NIPA2: variants seen among roughly 807,000 people sequenced by gnomAD.
The protein encoded by NIPA2 is magnesium transporter NIPA2.
In NIPA2, 11 loss-of-function variants were observed where a neutral mutation model predicts 29.7. The ratio of observed to expected loss-of-function variants is 0.37; its 90% CI spans 0.23 to 0.61. NIPA2 has a LOEUF of 0.61. NIPA2 is among the 20% of genes least tolerant of loss of function. The pLI, the probability that NIPA2 is intolerant of heterozygous loss-of-function variation, is 0.66. For missense variants in NIPA2, 426 were observed against 437.9 expected, an observed-to-expected ratio of 0.97 and a Z score of 0.24; for synonymous variants, 183 against 161.9, an observed-to-expected ratio of 1.13 and a Z score of -0.99.
chr15:22,842,542 A>G (rs1258513897), intron 2 of NIPA2, among the ~76,000 whole-genome samples: 1 of 151,450 alleles, frequency 6.6e-6, no homozygotes, highest in Admixed American at 6.6e-5. Context: ...AAAACCCAAA[A>G]TATTGGCCGG....
intron 5 of NIPA2, among the ~76,000 whole-genome samples, chr15:22,855,630 C>T (rs74796137): frequency 0.023 from 3,431 of 151,834 alleles, 129 homozygotes; most frequent in African/African-American, 0.077. Flanking sequence ...TGTGCCTGTG[C>T]GTGATGATAA....
At chr15:22,844,599 A>G (rs1319802213) in intron 2 of NIPA2, among the ~76,000 whole-genome samples, 3 of 152,046 alleles carry the variant, frequency 2.0e-5, no homozygotes, top group African/African-American at 7.2e-5. Context: ...CAAGCAGAAC[A>G]AAAAAATTAG....
chr15:22,851,752 A>G lies in NIPA2; in HGVS notation c.21A>G (p.Lys7=). MSQGRG[K]YDFYIGLGLA... ...ACGAAATGAGCCAGGGGCGTGGAAA[A>G]TATGACTTCTATATTGGTCTGGGAT... The change falls in exon 4 of 8, where the codon AAA becomes AAG. Residue 7 remains lysine (K), a synonymous_variant. Transcript: ENST00000337451. 2.5e-6 allele frequency: 4 copies of G among 1,611,784 alleles called. No individual in the cohort carries two copies. Among genetic ancestry groups the G allele is most frequent in the Non-Finnish European group, 3.4e-6 (4 of 1,179,302 alleles).
chr15:22,851,481 T>C (rs539872498), intron 3 of NIPA2, among the ~76,000 whole-genome samples, 158 bp from the exon 4 acceptor site: 44 of 152,156 alleles, frequency 2.9e-4, no homozygotes, highest in Non-Finnish European at 5.3e-4. Flanking sequence ...TGAAGAAATA[T>C]ACAGGTTGGT....
chr15:22,846,797 C>A (rs1898768454), intron 3 of NIPA2, among the ~76,000 whole-genome samples: 1 of 147,160 alleles, frequency 6.8e-6, no homozygotes, highest in African/African-American at 2.5e-5. Flanking sequence ...GCCTGGGTGA[C>A]AGAATGAGAC....
chr15:22,839,776 A>C lies in NIPA2; in HGVS notation c.-230A>C, dbSNP rs572336406. The C allele has an allele frequency of 1.8e-4, 28 of 152,318 alleles. No homozygotes were observed. Among genetic ancestry groups the C allele is most frequent in the East Asian group, 5.8e-4 (3 of 5,188 alleles). 9.4% of individuals were successfully genotyped at this position (152,318 alleles called of 1,614,324 possible). ...CAGCCTTTTTTTCATAAGAGAGACC[A>C]TATTAAACTTACATGTAAGTTAAAA... On this transcript the variant is annotated 5_prime_UTR_variant, in exon 2 of 8. Transcript: ENST00000337451.
intron 5 of NIPA2, among the ~76,000 whole-genome samples, chr15:22,853,833 C>CT (rs977389204): frequency 4.9e-4 from 74 of 151,830 alleles, no homozygotes; most frequent in African/African-American, 1.7e-3. Flanking sequence ...CCAGTTAGTC[C>CT]TTTTTTTTGT....
Position 22,864,714 on chromosome 15 carries a change from C to A in NIPA2, c.449-1499C>A, listed in dbSNP as rs577886962. Among the ~76,000 whole-genome samples, 51 of 152,320 alleles carry A rather than the reference C, an allele frequency of 3.3e-4. 3 individuals carry two copies. The South Asian group carries it at 9.3e-3, about 28-fold the overall frequency. ...TCTTGCCTTTACTCCACTTCAGAGG[C>A]ACTTTGTATCTTTTGAGCATTCTGT... is the stretch of plus-strand genomic sequence containing the variant. On this transcript the variant is annotated intron_variant, in intron 7 of 7. Coordinates refer to ENST00000337451, the MANE Select transcript of NIPA2 (RefSeq NM_030922.7).
chr15:22,856,073 G>A (rs1394210306), intron 5 of NIPA2, among the ~76,000 whole-genome samples: 1 of 152,154 alleles, frequency 6.6e-6, no homozygotes, highest in Non-Finnish European at 1.5e-5. Context: ...AGAGAAGCCA[G>A]CTGCTGTGCT....
At chr15:22,841,114 A>G (rs1896978792) in intron 2 of NIPA2, among the ~76,000 whole-genome samples, 2 of 152,184 alleles carry the variant, frequency 1.3e-5, no homozygotes, top group East Asian at 1.9e-4. Flanking sequence ...ATGAAATTGT[A>G]TTAGAGATTT....
intron 5 of NIPA2, among the ~76,000 whole-genome samples, chr15:22,857,300 G>A (rs929231193): frequency 6.6e-6 from 1 of 151,822 alleles, no homozygotes; most frequent in South Asian, 2.1e-4. Context: ...GTGTGGTGGC[G>A]GGTATGTGGG....
chr15:22,844,278 T>A (rs1459214114), intron 2 of NIPA2, among the ~76,000 whole-genome samples: 1 of 152,138 alleles, frequency 6.6e-6, no homozygotes, highest in African/African-American at 2.4e-5. Flanking sequence ...TTGAACTTGT[T>A]GGCCGGGAGT....
intron 5 of NIPA2, among the ~76,000 whole-genome samples, chr15:22,856,397 T>G (rs1225015311): frequency 6.6e-6 from 1 of 152,008 alleles, no homozygotes; most frequent in Non-Finnish European, 1.5e-5. Context: ...CAAGCTTTTT[T>G]TTTTTCTTTT....
At position 22,865,797 on chromosome 15, in the gene NIPA2, TTAGGG is replaced by T. The variant is rs2059003199; in HGVS notation, c.449-415_449-411del. On this transcript the variant is annotated intron_variant, in intron 7 of 7. Coordinates refer to ENST00000337451, the MANE Select transcript of NIPA2 (RefSeq NM_030922.7). ...CCACAAATTTTAAAAGTTTCCCCTT[TTAGGG>T]AAAACTTGATGAAGAACTCTTGTTT... Among the ~76,000 whole-genome samples, 33 of 152,104 alleles carry T rather than the reference TTAGGG, an allele frequency of 2.2e-4. No homozygotes were observed. The South Asian group carries it at 6.6e-3, about 31-fold the overall frequency.
intron 5 of NIPA2, among the ~76,000 whole-genome samples, chr15:22,855,602 A>G (rs1306288855): frequency 1.3e-5 from 2 of 152,130 alleles, no homozygotes; most frequent in Admixed American, 1.3e-4. Context: ...TAAACAAGAT[A>G]AAGAAGTTAT....
chr15:22,852,022 T>C (rs2057781400), intron 4 of NIPA2, 152 bp downstream of exon 4: 4 of 700,252 alleles, frequency 5.7e-6, no homozygotes, highest in Non-Finnish European at 9.5e-6. Context: ...TGATGTTTGG[T>C]TATTTATATT....
chr15:22,845,656 C>T (rs925049652), intron 3 of NIPA2, among the ~76,000 whole-genome samples: 1 of 151,992 alleles, frequency 6.6e-6, no homozygotes, highest in African/African-American at 2.4e-5. Context: ...GTACCCTGGC[C>T]TTGAGTGGAG....
chr15:22,851,694 CA>C lies in NIPA2; in HGVS notation c.-36del, dbSNP rs1233759870. 1.3e-6 allele frequency: 2 copies of C among 1,574,746 alleles called. No homozygotes were observed. Among genetic ancestry groups the C allele is most frequent in the South Asian group, 2.3e-5 (2 of 85,268 alleles). ...ACCAGCGGTTTCTCTGTTCTGTGAT[CA>C]ATGTGATTCACAGGAACTCCTTAAG... On this transcript the variant is annotated 5_prime_UTR_variant, in exon 4 of 8. In the 5' UTR this introduces an upstream ATG that the reference lacks. Coordinates refer to ENST00000337451, the MANE Select transcript of NIPA2 (RefSeq NM_030922.7).
intron 7 of NIPA2, among the ~76,000 whole-genome samples, chr15:22,864,373 C>T (rs1377536351): frequency 2.0e-5 from 3 of 152,306 alleles, no homozygotes; most frequent in Admixed American, 6.5e-5. Flanking sequence ...CCAGGATGGT[C>T]TCGATCTTCT....
Sources: allele counts gnomAD v4.1 joint callset (sites outside exome capture counted in the v4.1 genomes callset), GRCh38; gene constraint gnomAD v4.1.1; transcripts MANE v1.5; gene names NCBI Gene and HGNC (gene_info 2026-07-23, HGNC 2026-07-21).